Variants in CACNA1D observed in about 807,000 individuals in gnomAD.
The protein encoded by CACNA1D is calcium voltage-gated channel subunit alpha1 D, also known as voltage-dependent L-type calcium channel subunit alpha-1D.
A neutral mutation model predicts 257.1 loss-of-function variants in CACNA1D; 55 were observed. The ratio of observed to expected loss-of-function variants is 0.21; its 90% confidence interval spans 0.17 to 0.27. The LOEUF (loss-of-function observed/expected upper bound fraction) is 0.27. CACNA1D is among the 10% of genes least tolerant of loss of function. The probability of loss-of-function intolerance (pLI) is 1.00; values close to 1 mark genes in which losing one functional copy is unlikely to be tolerated. For synonymous variants in CACNA1D, 980 were observed against 1,014.9 expected (o/e 0.97, Z 0.65); for missense variants, 1,876 against 2,784.0 (o/e 0.67, Z 7.34).
At position 53,770,820 on chromosome 3, in the gene CACNA1D, G is replaced by A. The variant is rs75563213; in HGVS notation, c.4044+268G>A. On this transcript the variant is annotated intron_variant, in intron 32 of 47. Coordinates refer to ENST00000350061, the MANE Select transcript of CACNA1D (RefSeq NM_001128840.3). ...ATTTCCAAGACTGAGAGAGGTGTGG[G>A]GCCTGCAGCCCTGCAGTGCCCCCGG... is the stretch of plus-strand genomic sequence containing the variant. Among the ~76,000 whole-genome samples the A allele has an allele frequency of 4.0e-3, 604 of 152,326 alleles. 5 individuals carry two copies. Among genetic ancestry groups the A allele is most frequent in the African/African-American group, 0.014 (565 of 41,562 alleles).
chr3:53,665,651 C>G lies in CACNA1D; in HGVS notation c.767-9C>G. On this transcript the variant is annotated splice_polypyrimidine_tract_variant and intron_variant, in intron 5 of 47. Coordinates refer to ENST00000350061, the MANE Select transcript of CACNA1D (RefSeq NM_001128840.3). ...GGCTCACAAACTTATTTTTTTTTGT[C>G]TTTCCTAGGTTTACAAGTTGTCCTG... is the stretch of plus-strand genomic sequence containing the variant. The G allele has an allele frequency of 6.2e-7, 1 of 1,608,298 alleles. No homozygotes were observed. Among genetic ancestry groups the G allele is most frequent in the Non-Finnish European group, 8.5e-7 (1 of 1,176,434 alleles).
chr3:53,549,361 A>G (rs1263029568), intron 3 of CACNA1D, among the ~76,000 whole-genome samples: 2 of 152,224 alleles, frequency 1.3e-5, no homozygotes, highest in Non-Finnish European at 2.9e-5. Context: ...ACATACTCAT[A>G]GGCCCTTGAG....
chr3:53,599,382 G>C (rs1279034903), intron 3 of CACNA1D, among the ~76,000 whole-genome samples: 7 of 152,010 alleles, frequency 4.6e-5, no homozygotes, highest in Admixed American at 4.6e-4. Flanking sequence ...TCTTAGCCTT[G>C]AAATTGCTGC....
chr3:53,782,694 A>G (rs765368095), intron 39 of CACNA1D: 1 of 152,152 alleles, frequency 6.6e-6, no homozygotes, highest in Non-Finnish European at 1.5e-5. Flanking sequence ...TGAAGGGGTT[A>G]CCCGTAGCTG....
Position 53,568,555 on chromosome 3 carries a change from C to T in CACNA1D, c.483+66835C>T, listed in dbSNP as rs1303946937. ...TCCCCTGTTAGCATGGGTGACCATACACACTCCTTGCTAAGGCCAGCTTCT... is the reference window on the plus strand; with the variant it reads ...TCCCCTGTTAGCATGGGTGACCATATACACTCCTTGCTAAGGCCAGCTTCT... On this transcript the variant is annotated intron_variant, in intron 3 of 47. Transcript: ENST00000350061. Among the ~76,000 whole-genome samples the T allele has an allele frequency of 2.6e-5, 4 of 152,192 alleles. No homozygotes were observed. The South Asian group carries it at 8.3e-4, about 31-fold the overall frequency.
chr3:53,597,067 T>G (rs932004514), intron 3 of CACNA1D, among the ~76,000 whole-genome samples: 1 of 152,244 alleles, frequency 6.6e-6, no homozygotes, highest in African/African-American at 2.4e-5. Context: ...TACAATTATT[T>G]AATGTCTGTG....
chr3:53,726,821 A>G (rs1345963486), intron 14 of CACNA1D, 58 bp from the exon 15 acceptor site: 1 of 1,613,362 alleles, frequency 6.2e-7, no homozygotes, highest in Non-Finnish European at 8.5e-7. Context: ...AGGGGCTCTA[A>G]GAGAGCGGCT....
At chr3:53,611,855 A>G (rs1435617601) in intron 3 of CACNA1D, among the ~76,000 whole-genome samples, 1 of 152,202 alleles carries the variant, frequency 6.6e-6, no homozygotes, top group Non-Finnish European at 1.5e-5. Context: ...TTACAATCAC[A>G]CAACTCTCCT....
chr3:53,576,286 G>A (rs1342333666), intron 3 of CACNA1D, among the ~76,000 whole-genome samples: 1 of 152,178 alleles, frequency 6.6e-6, no homozygotes, highest in Non-Finnish European at 1.5e-5. Context: ...TTGACTCATA[G>A]GTCAGTTTGC....
chr3:53,696,473 T>C (rs1268894723), intron 8 of CACNA1D, among the ~76,000 whole-genome samples: 1 of 152,128 alleles, frequency 6.6e-6, no homozygotes, highest in East Asian at 1.9e-4. Context: ...CCAGCGGGGA[T>C]GGGGTAAGGT....
chr3:53,546,601 T>C (rs879730463), intron 3 of CACNA1D, among the ~76,000 whole-genome samples: 1 of 152,200 alleles, frequency 6.6e-6, no homozygotes, highest in Non-Finnish European at 1.5e-5. Context: ...CATTTATAAT[T>C]GGGCATTTCC....
intron 12 of CACNA1D, 82 bp downstream of exon 12, chr3:53,722,556 G>A (rs2094893054): frequency 3.0e-6 from 4 of 1,347,938 alleles, no homozygotes; most frequent in Admixed American, 1.7e-5. Context: ...TTATCTGATC[G>A]CTGCATGATG....
chr3:53,811,268 C>T lies in CACNA1D; in HGVS notation c.6348C>T (p.Asn2116=), dbSNP rs10154841. The T allele has an allele frequency of 0.12, 191,549 of 1,613,576 alleles. 20,864 individuals carry two copies. Among genetic ancestry groups the T allele is most frequent in the African/African-American group, 0.59 (44,285 of 74,886 alleles). The change falls in exon 48 of 48, where the codon AAC becomes AAT. Residue 2116 remains asparagine (N), a synonymous_variant. Transcript: ENST00000350061. This position sits in a 1 kb window ranked among gnomAD's most constrained non-coding sequence, Gnocchi z 4.2. Reference sequence around the variant, plus strand: ...ATGGGAACGTGCGTCCCCGAGCCAACGGGGATGTGGGCCCCCTCTCACACC... The same window carrying T: ...ATGGGAACGTGCGTCCCCGAGCCAATGGGGATGTGGGCCCCCTCTCACACC... ...LLNGNVRPRA[N]GDVGPLSHRQ...
chr3:53,755,848 G>A (rs2095261381), intron 29 of CACNA1D, among the ~76,000 whole-genome samples: 3 of 152,056 alleles, frequency 2.0e-5, no homozygotes, highest in African/African-American at 4.8e-5. Context: ...AGCCCAGCCC[G>A]AGCAAGTGGT....
intron 3 of CACNA1D, among the ~76,000 whole-genome samples, chr3:53,568,635 C>T (rs190905675): frequency 1.3e-5 from 2 of 152,254 alleles, no homozygotes; most frequent in East Asian, 1.9e-4. Context: ...ATGGCAGTGC[C>T]GTTCTCCTGC....
intron 3 of CACNA1D, among the ~76,000 whole-genome samples, chr3:53,590,904 G>A (rs2107804773): frequency 6.6e-6 from 1 of 152,340 alleles, no homozygotes; most frequent in South Asian, 2.1e-4. Context: ...TCCGCTGTGG[G>A]CTACAGAAGG....
chr3:53,607,641 A>G (rs2093529477), intron 3 of CACNA1D, among the ~76,000 whole-genome samples: 2 of 152,232 alleles, frequency 1.3e-5, no homozygotes, highest in South Asian at 4.1e-4. Flanking sequence ...ATTCTCCCCC[A>G]GAGAATAAGA....
At chr3:53,576,558 G>T (rs944588940) in intron 3 of CACNA1D, among the ~76,000 whole-genome samples, 1 of 152,200 alleles carries the variant, frequency 6.6e-6, no homozygotes, top group Non-Finnish European at 1.5e-5. Context: ...AATTAAGGGA[G>T]TTGCTGTGGG....
At chr3:53,747,799 ATTC>A (rs1435502906) in intron 26 of CACNA1D, among the ~76,000 whole-genome samples, 1 of 152,114 alleles carries the variant, frequency 6.6e-6, no homozygotes, top group Non-Finnish European at 1.5e-5. Flanking sequence ...TCATTCATTC[ATTC>A]ATTCATTCAT....
Sources: allele counts gnomAD v4.1 joint callset (sites outside exome capture counted in the v4.1 genomes callset), GRCh38; gene constraint gnomAD v4.1.1; non-coding constraint Gnocchi (gnomAD v3.1); transcripts MANE v1.5; gene names NCBI Gene and HGNC (gene_info 2026-07-23, HGNC 2026-07-21).